The following PRMT8 variants were observed in gnomAD, a reference collection of about 807,000 sequenced individuals.
The protein encoded by PRMT8 is protein arginine N-methyltransferase 8.
PRMT8 carries 7 observed loss-of-function variants against 47.1 expected under a neutral mutation model. The ratio of observed to expected loss-of-function variants is 0.15; its 90% confidence interval spans 0.08 to 0.28. PRMT8 has a LOEUF of 0.28. Ranked by LOEUF, PRMT8 falls within the 10% of genes least tolerant of loss-of-function variation. The pLI is 1.00. For synonymous variants in PRMT8, 188 were observed against 186.5 expected (o/e 1.01, Z -0.07); for missense variants, 237 against 505.4 (o/e 0.47, Z 5.09).
chr12:3,411,600 T>C (rs1205410404), intron 1 of PRMT8, among the ~76,000 whole-genome samples: 1 of 152,232 alleles, frequency 6.6e-6, no homozygotes, highest in African/African-American at 2.4e-5. Flanking sequence ...CCCCCACATT[T>C]CATGTTTCGG....
At chr12:3,468,709 G>A (rs1305986775) in intron 1 of PRMT8, among the ~76,000 whole-genome samples, 1 of 152,226 alleles carries the variant, frequency 6.6e-6, no homozygotes, top group Non-Finnish European at 1.5e-5. Flanking sequence ...CTTATCTGGG[G>A]CCCACTTATC....
At chr12:3,533,990 G>A (rs1191946285) in intron 1 of PRMT8, among the ~76,000 whole-genome samples, 1 of 152,274 alleles carries the variant, frequency 6.6e-6, no homozygotes, top group Non-Finnish European at 1.5e-5. Flanking sequence ...GAAGAGAGGT[G>A]TGGTGAGTGT....
chr12:3,557,567 G>A lies in PRMT8; in HGVS notation c.481+3853G>A, dbSNP rs560948505. 3.3e-5 allele frequency among the ~76,000 whole-genome samples: 5 copies of A among 152,312 alleles called. No homozygotes were observed. Among genetic ancestry groups the A allele is most frequent in the South Asian group, 4.1e-4 (2 of 4,822 alleles). On this transcript the variant is annotated intron_variant, in intron 4 of 9. Transcript: ENST00000382622. This position sits in a 1 kb window ranked among gnomAD's most constrained non-coding sequence, Gnocchi z 4.7. The stretch of plus-strand genomic sequence containing the variant: ...GGGTCTCTTCTGTGCCCTCCTCAGA[G>A]AAGTGCTTGACCCGGGCTCCCTATC...
At chr12:3,486,947 C>T (rs1865328778), upstream of PRMT8, among the ~76,000 whole-genome samples, 1 of 152,224 alleles carries the variant, frequency 6.6e-6, no homozygotes, top group Admixed American at 6.5e-5. Context: ...ATTGGTGGCA[C>T]TCAGCGAGTT....
At chr12:3,473,157 T>G (rs1379108628) in intron 1 of PRMT8, among the ~76,000 whole-genome samples, 1 of 152,166 alleles carries the variant, frequency 6.6e-6, no homozygotes, top group Non-Finnish European at 1.5e-5. Context: ...ATCACCTGCA[T>G]GCACTGTCTT....
chr12:3,582,241 A>T (rs773214017), intron 7 of PRMT8, among the ~76,000 whole-genome samples: 12 of 152,356 alleles, frequency 7.9e-5, no homozygotes, highest in Non-Finnish European at 1.3e-4. Flanking sequence ...AGCACAGTGC[A>T]GACGTCTTTC....
intron 2 of PRMT8, among the ~76,000 whole-genome samples, chr12:3,544,043 C>T (rs1341340167): frequency 6.6e-6 from 1 of 152,242 alleles, no homozygotes; most frequent in Non-Finnish European, 1.5e-5. Context: ...GACACTCTCG[C>T]TGCAGGTTCT....
In PRMT8 at chr12:3,492,927, C is replaced by T. The variant is rs920593738; in HGVS notation, c.75+1227C>T. On this transcript the variant is annotated intron_variant, in intron 1 of 9. Coordinates refer to ENST00000382622, the MANE Select transcript of PRMT8 (RefSeq NM_019854.5). This position sits in a 1 kb window ranked among gnomAD's most constrained non-coding sequence, Gnocchi z 7.5. ...GCGGGGGGCGGGGATGGGGGTGTGG[C>T]GCGGGGATTGTCCCTCTGTCTTGCC... is the stretch of plus-strand genomic sequence containing the variant. 6.6e-6 allele frequency among the ~76,000 whole-genome samples: 1 copy of T among 151,884 alleles called. No homozygotes were observed. The highest frequency in any genetic ancestry group is 1.5e-5 in the Non-Finnish European group (1 of 67,974).
chr12:3,471,781 C>T (rs183981941), intron 1 of PRMT8, among the ~76,000 whole-genome samples: 520 of 152,128 alleles, frequency 3.4e-3, no homozygotes, highest in Non-Finnish European at 5.6e-3. Flanking sequence ...CATGCTGGGC[C>T]ACCAAGACAC....
At chr12:3,398,723 CATG>C (rs1329570526) in intron 1 of PRMT8, among the ~76,000 whole-genome samples, 1 of 152,178 alleles carries the variant, frequency 6.6e-6, no homozygotes, top group Non-Finnish European at 1.5e-5. Flanking sequence ...AGAGTCAAGA[CATG>C]ATGTGTTGTG....
intron 1 of PRMT8, among the ~76,000 whole-genome samples, chr12:3,466,275 T>A (rs1178179924): frequency 1.3e-5 from 2 of 152,128 alleles, no homozygotes; most frequent in African/African-American, 4.8e-5. Context: ...TGGGACTGAG[T>A]GAGACCTCTG....
At chr12:3,458,842 T>C (rs1865005409) in intron 1 of PRMT8, among the ~76,000 whole-genome samples, 1 of 152,236 alleles carries the variant, frequency 6.6e-6, no homozygotes, top group East Asian at 1.9e-4. Flanking sequence ...AAGCCCCTCC[T>C]TCCTGTCTGT....
chr12:3,396,708 G>A (rs1008086866), intron 1 of PRMT8, among the ~76,000 whole-genome samples: 2 of 150,910 alleles, frequency 1.3e-5, no homozygotes, highest in African/African-American at 4.9e-5. Flanking sequence ...TGCTCTTCTC[G>A]AGGAGTATCT....
Position 3,404,538 on chromosome 12 carries a change from A to G in PRMT8, c.48+23096A>G, listed in dbSNP as rs138771016. Among the ~76,000 whole-genome samples the G allele has an allele frequency of 1.9e-3, 291 of 152,320 alleles. 1 individual carries two copies. The highest frequency in any genetic ancestry group is 6.9e-3 in the African/African-American group (286 of 41,576). On this transcript the variant is annotated intron_variant, in intron 1 of 9. Transcript: ENST00000452611. ...GAAACTCTCCATTATGCCCATTTCCAAAAACTATCCTTTTCCCGTACAAAA... is the reference window on the plus strand; with the variant it reads ...GAAACTCTCCATTATGCCCATTTCCGAAAACTATCCTTTTCCCGTACAAAA...
chr12:3,579,926 G>T lies in PRMT8; in HGVS notation c.828+2940G>T, dbSNP rs187467217. ...GGCCAAGTCAGTGGGTCTCCCTGGG[G>T]TCTCAGAGCTGCTGTTTCTGCTGCA... On this transcript the variant is annotated intron_variant, in intron 7 of 9. Coordinates refer to ENST00000382622, the MANE Select transcript of PRMT8 (RefSeq NM_019854.5). 2.1e-4 allele frequency among the ~76,000 whole-genome samples: 32 copies of T among 152,212 alleles called. 1 individual carries two copies. The East Asian group carries it at 4.8e-3, about 23-fold the overall frequency.
Position 3,491,293 on chromosome 12 carries a change from A to ACCGCCGCCG in PRMT8, c.-322_-314dup. The ACCGCCGCCG allele has an allele frequency of 2.7e-6, 3 of 1,126,048 alleles. No individual in the cohort carries two copies. Among genetic ancestry groups the ACCGCCGCCG allele is most frequent in the South Asian group, 3.0e-5 (1 of 33,826 alleles). 69.8% of individuals were successfully genotyped at this position (1,126,048 alleles called of 1,614,324 possible). ...GCGAGCAGCCTGGAGAGGATCCGCG[A>ACCGCCGCCG]CCGCCGCCGCCGCCGCCGCGGAGGC... On this transcript the variant is annotated 5_prime_UTR_variant, in exon 1 of 10. Transcript: ENST00000382622.
intron 1 of PRMT8, among the ~76,000 whole-genome samples, chr12:3,516,925 A>G (rs1158480728): frequency 5.9e-5 from 9 of 152,168 alleles, no homozygotes; most frequent in Admixed American, 5.9e-4. Context: ...TACTTAGGTC[A>G]TATGTCAAAT....
At chr12:3,513,191 T>C (rs1174152036) in intron 1 of PRMT8, among the ~76,000 whole-genome samples, 2 of 152,166 alleles carry the variant, frequency 1.3e-5, no homozygotes, top group Non-Finnish European at 2.9e-5. Flanking sequence ...AGGAGGTATC[T>C]TGCTAGTTTC....
At position 3,453,628 on chromosome 12, in the gene PRMT8, A is replaced by AGG. The variant is rs1864944058; in HGVS notation, c.48+72189_48+72190dup. Among the ~76,000 whole-genome samples, 1 of 152,206 alleles carries AGG rather than the reference A, an allele frequency of 6.6e-6. No individual in the cohort carries two copies. Among genetic ancestry groups the AGG allele is most frequent in the Non-Finnish European group, 1.5e-5 (1 of 68,024 alleles). On this transcript the variant is annotated intron_variant, in intron 1 of 9. Coordinates refer to the PRMT8 transcript ENST00000452611. The surrounding 1 kb of genome is among the most constrained non-coding windows in gnomAD (Gnocchi z 4.9). ...GGGTCAGGAACTGGTGAGCGCGGTCAGGGGACACCCTTAGGAGAGGAGCTT... is the reference window on the plus strand; with the variant it reads ...GGGTCAGGAACTGGTGAGCGCGGTCAGGGGGGACACCCTTAGGAGAGGAGCTT...
Sources: allele counts gnomAD v4.1 joint callset (sites outside exome capture counted in the v4.1 genomes callset), GRCh38; gene constraint gnomAD v4.1.1; non-coding constraint Gnocchi (gnomAD v3.1); transcripts MANE v1.5; gene names NCBI Gene and HGNC (gene_info 2026-07-23, HGNC 2026-07-21).